PRKCH: variants seen among roughly 807,000 people sequenced by gnomAD.
The protein encoded by PRKCH is protein kinase C eta.
A neutral mutation model predicts 82.5 loss-of-function variants in PRKCH; 28 were observed. That is an observed-to-expected ratio of 0.34 (90% CI 0.25 to 0.47). The LOEUF is 0.47. Among genes scored for constraint, PRKCH ranks in the 20% least tolerant of loss-of-function variants. PRKCH has a pLI of 1.00. For synonymous variants in PRKCH, 322 were observed against 327.4 expected (o/e 0.98, Z 0.18); for missense variants, 705 against 881.8 (o/e 0.80, Z 2.54).
At chr14:61,340,689 G>T (rs1256054860) in intron 1 of PRKCH, among the ~76,000 whole-genome samples, 2 of 152,208 alleles carry the variant, frequency 1.3e-5, no homozygotes, top group Non-Finnish European at 2.9e-5. Flanking sequence ...ATCAGGTCCA[G>T]GGTCCCATGT....
In PRKCH at chr14:61,221,336, A is replaced by G. The variant is rs577118473; in HGVS notation, c.-19+33668A>G. Among the ~76,000 whole-genome samples the G allele has an allele frequency of 2.0e-5, 3 of 152,276 alleles. No individual in the cohort carries two copies. In the South Asian group the frequency reaches 6.2e-4, roughly 32 times the overall value. On this transcript the variant is annotated intron_variant, in intron 1 of 3. Transcript: ENST00000555185. Reference sequence around the variant, plus strand: ...TTAACATTATGGGTTACAAGTATAGACAAAATCATTGGAATTGTGTTTGGA... The same window carrying G: ...TTAACATTATGGGTTACAAGTATAGGCAAAATCATTGGAATTGTGTTTGGA...
At chr14:61,370,197 C>T (rs2046347336) in intron 1 of PRKCH, among the ~76,000 whole-genome samples, 1 of 152,116 alleles carries the variant, frequency 6.6e-6, no homozygotes, top group Admixed American at 6.5e-5. Flanking sequence ...CCTGCCTCGG[C>T]CTCCCAAAGC....
intron 2 of PRKCH, among the ~76,000 whole-genome samples, chr14:61,417,654 A>G (rs1023641166): frequency 2.6e-5 from 4 of 152,148 alleles, no homozygotes; most frequent in Non-Finnish European, 4.4e-5. Context: ...TGCTTGGTGC[A>G]TTGTAGATTT....
chr14:61,485,011 A>C (rs1886151009), intron 9 of PRKCH, among the ~76,000 whole-genome samples: 1 of 151,940 alleles, frequency 6.6e-6, no homozygotes, highest in Admixed American at 6.6e-5. Context: ...GGCATGAGCC[A>C]CTGCACCCGG....
intron 1 of PRKCH, among the ~76,000 whole-genome samples, chr14:61,311,602 C>T (rs1379331382): frequency 1.3e-5 from 2 of 152,220 alleles, no homozygotes; most frequent in Non-Finnish European, 2.9e-5. Context: ...GTATCTACAG[C>T]AGTGCCCCAC....
rs141666528 is a variant in PRKCH, at chr14:61,509,636, G to A, written c.1434-19439G>A. ...GTGGTGGCTCACGCCTGTAATCCCA[G>A]TACTTTGGGAGGCCAGCGTGGGCAG... On this transcript the variant is annotated intron_variant, in intron 10 of 13. Coordinates refer to ENST00000332981, the MANE Select transcript of PRKCH (RefSeq NM_006255.5). Among the ~76,000 whole-genome samples the A allele has an allele frequency of 4.6e-5, 7 of 152,288 alleles. No individual in the cohort carries two copies. The East Asian group carries it at 1.3e-3, about 29-fold the overall frequency.
intron 1 of PRKCH, among the ~76,000 whole-genome samples, chr14:61,260,107 G>A (rs2045033346): frequency 6.6e-6 from 1 of 152,132 alleles, no homozygotes; most frequent in Non-Finnish European, 1.5e-5. Context: ...TGTCTAAATG[G>A]TATAACTGAT....
At chr14:61,310,009 A>G (rs1410137146) in intron 1 of PRKCH, among the ~76,000 whole-genome samples, 1 of 151,974 alleles carries the variant, frequency 6.6e-6, no homozygotes, top group Non-Finnish European at 1.5e-5. Flanking sequence ...ACTCACTATC[A>G]CAAGAATAGC....
In PRKCH at chr14:61,385,930, C is replaced by T. The variant is rs60777860; in HGVS notation, c.364-5295C>T. The stretch of plus-strand genomic sequence containing the variant: ...AGAGGTCTGGAAAGGTCCCCCTATA[C>T]AGGTGGGTCTTGAATTGATGGACAA... On this transcript the variant is annotated intron_variant, in intron 1 of 13. Coordinates refer to ENST00000332981, the MANE Select transcript of PRKCH (RefSeq NM_006255.5). Among the ~76,000 whole-genome samples, 67 of 152,280 alleles carry T rather than the reference C, an allele frequency of 4.4e-4. No homozygotes were observed. The East Asian group carries it at 0.012, about 28-fold the overall frequency.
intron 1 of PRKCH, among the ~76,000 whole-genome samples, chr14:61,231,693 C>T (rs930583049): frequency 6.6e-6 from 1 of 152,012 alleles, no homozygotes; most frequent in Non-Finnish European, 1.5e-5. Flanking sequence ...TTTCTTATTC[C>T]CGAAACTTGG....
chr14:61,456,944 T>C (rs551693153), intron 7 of PRKCH: 1 of 450,930 alleles, frequency 2.2e-6, no homozygotes, highest in African/African-American at 2.0e-5. Flanking sequence ...TGTAACTCCA[T>C]GGCTTAGACG....
intron 1 of PRKCH, among the ~76,000 whole-genome samples, chr14:61,355,532 AT>A (rs950940542): frequency 4.6e-5 from 7 of 151,476 alleles, no homozygotes; most frequent in East Asian, 3.9e-4. Flanking sequence ...CAAATGGAGG[AT>A]TTTTTTTTAA....
upstream of PRKCH, among the ~76,000 whole-genome samples, chr14:61,319,699 G>A (rs1254394834): frequency 6.6e-6 from 1 of 152,208 alleles, no homozygotes; most frequent in East Asian, 1.9e-4. Context: ...GGAGGAAAGG[G>A]TGACAGAGCT....
chr14:61,363,972 A>ATG (rs1036138659), intron 1 of PRKCH, among the ~76,000 whole-genome samples: 5 of 34,406 alleles, frequency 1.5e-4, no homozygotes, highest in Admixed American at 3.7e-4. Flanking sequence ...ATACGTGTGC[A>ATG]TGTGTGTGTA....
chr14:61,387,084 T>A (rs2046599542), intron 1 of PRKCH, among the ~76,000 whole-genome samples: 1 of 152,212 alleles, frequency 6.6e-6, no homozygotes, highest in Non-Finnish European at 1.5e-5. Flanking sequence ...TGCCGGACAC[T>A]CCCAAGTTTG....
chr14:61,270,753 G>A (rs189186044), intron 1 of PRKCH, among the ~76,000 whole-genome samples: 1 of 152,286 alleles, frequency 6.6e-6, no homozygotes, highest in East Asian at 1.9e-4. Context: ...AGGGAGGACT[G>A]CATAAACCCA....
At chr14:61,526,625 G>A (rs2042969611) in intron 10 of PRKCH, among the ~76,000 whole-genome samples, 1 of 152,240 alleles carries the variant, frequency 6.6e-6, no homozygotes, top group Non-Finnish European at 1.5e-5. Context: ...GATCCAGGCT[G>A]GACAGAGACC....
intron 1 of PRKCH, among the ~76,000 whole-genome samples, chr14:61,310,471 T>G (rs1243518624): frequency 6.6e-6 from 1 of 152,190 alleles, no homozygotes; most frequent in Non-Finnish European, 1.5e-5. Flanking sequence ...ATGGTCTCCT[T>G]TGACTCCATG....
At chr14:61,519,321 A>AATG (rs1342785288) in intron 10 of PRKCH, among the ~76,000 whole-genome samples, 2 of 150,906 alleles carry the variant, frequency 1.3e-5, no homozygotes, top group Non-Finnish European at 2.9e-5. Flanking sequence ...ATGAATGAAT[A>AATG]AATAAAATTT....
Sources: gnomAD v4.1 joint callset for allele counts (sites outside exome capture counted in the v4.1 genomes callset) on GRCh38, gnomAD v4.1.1 for gene constraint, MANE v1.5 for transcripts, NCBI Gene and HGNC (gene_info 2026-07-23, HGNC 2026-07-21) for gene names.